Variants in CACNA1G observed in about 807,000 individuals in gnomAD.
CACNA1G encodes calcium voltage-gated channel subunit alpha1 G.
CACNA1G carries 67 observed loss-of-function variants against 219.4 expected under a neutral mutation model. That is an observed-to-expected ratio of 0.31 (90% CI 0.25 to 0.37). The LOEUF is 0.37. CACNA1G is among the 10% of genes least tolerant of loss of function. The pLI, the probability that CACNA1G is intolerant of heterozygous loss-of-function variation, is 1.00. For missense variants in CACNA1G, 2,380 were observed against 3,231.4 expected (o/e 0.74, Z 6.39); for synonymous variants, 1,296 against 1,345.3 (o/e 0.96, Z 0.80).
intron 8 of CACNA1G, among the ~76,000 whole-genome samples, chr17:50,576,968 C>T (rs986293616): frequency 2.6e-5 from 4 of 152,192 alleles, no homozygotes; most frequent in African/African-American, 7.2e-5. Context: ...ATAGGGACGT[C>T]GGGCTCTCCC....
chr17:50,612,737 C>G (rs2049496123), intron 26 of CACNA1G, among the ~76,000 whole-genome samples: 1 of 152,248 alleles, frequency 6.6e-6, no homozygotes, highest in Non-Finnish European at 1.5e-5. Flanking sequence ...CTTCCTCCCT[C>G]CCTGCCCCGA....
Position 50,627,164 on chromosome 17 carries a change from C to T in CACNA1G, c.*413C>T, listed in dbSNP as rs1272414765. On this transcript the variant is annotated 3_prime_UTR_variant, in exon 38 of 38. Transcript: ENST00000359106. ...ATATTTTTGAGGCGAAGGCGTCTGT[C>T]TCTTGGCTATTTTAACCTAAAATAA... is the stretch of plus-strand genomic sequence containing the variant. The T allele has an allele frequency of 2.2e-6, 1 of 457,292 alleles. No homozygotes were observed. The highest frequency in any genetic ancestry group is 1.6e-5 in the South Asian group (1 of 64,504). 28.3% of individuals were successfully genotyped at this position (457,292 alleles called of 1,614,324 possible). A position where few individuals can be genotyped will look rare whatever the true frequency, so the allele number is the denominator to read the frequency against.
At chr17:50,570,799 A>G (rs1272004922) in intron 4 of CACNA1G, among the ~76,000 whole-genome samples, 1 of 152,124 alleles carries the variant, frequency 6.6e-6, no homozygotes, top group Non-Finnish European at 1.5e-5. Context: ...GTTGGAGCAC[A>G]GAGAAGCTGA....
intron 4 of CACNA1G, among the ~76,000 whole-genome samples, chr17:50,570,748 G>A (rs992302311): frequency 1.1e-4 from 17 of 152,258 alleles, no homozygotes; most frequent in African/African-American, 3.9e-4. Flanking sequence ...TCTAACCACC[G>A]GTGTAATTCC....
rs201137489 is a variant in CACNA1G at position 50,590,638 on chromosome 17, G to A, written c.2453+16G>A. 3.4e-5 allele frequency: 55 copies of A among 1,607,206 alleles called. No individual in the cohort carries two copies. The highest frequency in any genetic ancestry group is 4.2e-5 in the Non-Finnish European group (50 of 1,177,824). On this transcript the variant is annotated intron_variant, in intron 10 of 37. Coordinates refer to ENST00000359106, the MANE Select transcript of CACNA1G (RefSeq NM_018896.5). ...TGGTCATCAGGTATGACTACCCCCC[G>A]GCACTGACTCTCAGTTGAGGAATGG...
chr17:50,585,835 G>GCGCCCC (rs2042890717), intron 9 of CACNA1G, among the ~76,000 whole-genome samples: 1 of 152,208 alleles, frequency 6.6e-6, no homozygotes, highest in South Asian at 2.1e-4. Context: ...CAGCCTGTCT[G>GCGCCCC]TGCCCCTGTC....
intron 34 of CACNA1G, among the ~76,000 whole-genome samples, chr17:50,620,705 C>G (rs1440296400): frequency 6.6e-6 from 1 of 152,176 alleles, no homozygotes; most frequent in East Asian, 1.9e-4. Flanking sequence ...TCTTAGGAAG[C>G]CTTTAGCCTG....
Position 50,626,464 on chromosome 17 carries a change from C to G in CACNA1G, c.6847C>G (p.Leu2283Val), listed in dbSNP as rs2053826912. Residue 2283 changes from leucine to valine, a missense_variant, in exon 38 of 38, where the codon CTG becomes GTG. Around this residue, in one of 17 missense-constraint regions of CACNA1G, gnomAD observed 672 missense variants for 670.5 expected, o/e 1.00. Coordinates refer to ENST00000359106, the MANE Select transcript of CACNA1G (RefSeq NM_018896.5). This position sits in a 1 kb window ranked among gnomAD's most constrained non-coding sequence, Gnocchi z 4.3. ...SCLDSGSQPHLGTDPSNLGGQ... is the reference protein window; with the variant it reads ...SCLDSGSQPHVGTDPSNLGGQ... ...CCTGGACAGCGGCTCCCAACCCCAC[C>G]TGGGCACAGACCCCTCTAACCTTGG... is the stretch of plus-strand genomic sequence containing the variant. 1 of 1,601,056 alleles carries G rather than the reference C, an allele frequency of 6.2e-7. No homozygotes were observed. Among genetic ancestry groups the G allele is most frequent in the Admixed American group, 1.7e-5 (1 of 58,472 alleles).
rs9911725 is a variant in CACNA1G, at chr17:50,621,878, C to T, written c.6060+84C>T. ...GCTCCAGATCGGCCCAGGGAGGGTC[C>T]TGGGGCCGCCTCCTCTCAGTTTGCT... On this transcript the variant is annotated intron_variant, in intron 35 of 37. Transcript: ENST00000359106. This position sits in a 1 kb window ranked among gnomAD's most constrained non-coding sequence, Gnocchi z 4.6. 6.8e-7 allele frequency: 1 copy of T among 1,462,432 alleles called. No homozygotes were observed. The highest frequency in any genetic ancestry group is 1.4e-5 in the African/African-American group (1 of 72,058). The allele number at this position is 1,462,432 out of a possible 1,614,324, so 90.6% of individuals were successfully genotyped here.
Position 50,621,612 on chromosome 17 carries a change from G to A in CACNA1G, c.5926-48G>A, listed in dbSNP as rs2052072402. ...CGCGTGTGTGCGTGTGCACGCGCGT[G>A]TGCGCTGTCCTGGTTTCTCATGCCT... is the stretch of plus-strand genomic sequence containing the variant. On this transcript the variant is annotated intron_variant, in intron 34 of 37. Transcript: ENST00000359106. The surrounding 1 kb of genome is among the most constrained non-coding windows in gnomAD (Gnocchi z 4.6). 1 of 1,603,322 alleles carries A rather than the reference G, an allele frequency of 6.2e-7. No individual in the cohort carries two copies.
At chr17:50,582,036 G>C (rs1343234653) in intron 9 of CACNA1G, among the ~76,000 whole-genome samples, 1 of 152,224 alleles carries the variant, frequency 6.6e-6, no homozygotes, top group Non-Finnish European at 1.5e-5. Flanking sequence ...GAAGAGACGT[G>C]GACAATTGGT....
chr17:50,573,276 G>A (rs1370316484), intron 7 of CACNA1G, 163 bp downstream of exon 7: 4 of 609,090 alleles, frequency 6.6e-6, no homozygotes, highest in African/African-American at 5.5e-5. Context: ...CAGATGCAGA[G>A]TCAGGAGGAA....
At chr17:50,615,563 C>A in intron 27 of CACNA1G, 51 bp downstream of exon 27, 3 of 1,589,214 alleles carry the variant, frequency 1.9e-6, no homozygotes, top group Admixed American at 1.7e-5. Flanking sequence ...AGCTGAGGAA[C>A]CTCTGGGCAA....
In CACNA1G at chr17:50,626,162, G is replaced by T. The variant is rs1233837845; in HGVS notation, c.6545G>T (p.Arg2182Leu). 9.3e-6 allele frequency: 15 copies of T among 1,613,592 alleles called. No homozygotes were observed. The highest frequency in any genetic ancestry group is 1.1e-5 in the Non-Finnish European group (13 of 1,179,832). ...AGTACCCAGGCACAGCAGCACTCCC[G>T]CAGCCACAGCAAGATCTCCAAGCAC... ...QSSTQAQQHS[R>L]SHSKISKHMT... The change falls in exon 38 of 38, where the codon CGC becomes CTC. Residue 2182 changes from arginine to leucine, a missense_variant. Arg to Leu is a moderately radical substitution (Grantham distance 102, BLOSUM62 -2). Around this residue, in one of 17 missense-constraint regions of CACNA1G, gnomAD observed 672 missense variants for 670.5 expected, o/e 1.00. Coordinates refer to ENST00000359106, the MANE Select transcript of CACNA1G (RefSeq NM_018896.5). This position sits in a 1 kb window ranked among gnomAD's most constrained non-coding sequence, Gnocchi z 4.3.
intron 10 of CACNA1G, 27 bp from the exon 11 acceptor site, chr17:50,591,408 G>T: frequency 3.3e-6 from 5 of 1,511,696 alleles, no homozygotes; most frequent in Non-Finnish European, 4.4e-6. Flanking sequence ...AGGTGCAGGG[G>T]GCTCAGGCTG....
In CACNA1G at chr17:50,623,953, T is replaced by C. The variant is rs1204241238; in HGVS notation, c.6107T>C (p.Val2036Ala). ...CTGCCAGGACCAGACTTACTGACTGTGCGGAAGTCTGGGGTCAGCCGAACG... is the reference window on the plus strand; with the variant it reads ...CTGCCAGGACCAGACTTACTGACTGCGCGGAAGTCTGGGGTCAGCCGAACG... The part of the protein sequence containing the change: ...TELPGPDLLT[V>A]RKSGVSRTHS... The change falls in exon 36 of 38, where the codon GTG becomes GCG. Residue 2036 changes from valine (V) to alanine (A), a missense_variant. Transcript: ENST00000359106. The C allele has an allele frequency of 3.1e-6, 5 of 1,613,318 alleles. No homozygotes were observed. Among genetic ancestry groups the C allele is most frequent in the Admixed American group, 1.7e-5 (1 of 60,018 alleles).
Position 50,561,528 on chromosome 17 carries a change from C to A in CACNA1G, c.69C>A (p.Asn23Lys), listed in dbSNP as rs1444589414. The change falls in exon 1 of 38, where the codon AAC becomes AAA. Residue 23 changes from asparagine to lysine, a missense_variant. Asn to Lys is a moderately conservative substitution (Grantham distance 94). Transcript: ENST00000359106. ...AGCCCCGGAGCTTCATGCGGCTCAACGACCTGTCGGGGGCCGGGGGCCGGC... is the reference window on the plus strand; with the variant it reads ...AGCCCCGGAGCTTCATGCGGCTCAAAGACCTGTCGGGGGCCGGGGGCCGGC... ...SGQPRSFMRL[N>K]DLSGAGGRPG... 6.5e-7 allele frequency: 1 copy of A among 1,537,882 alleles called. No individual in the cohort carries two copies. Among genetic ancestry groups the A allele is most frequent in the Admixed American group, 2.0e-5 (1 of 50,996 alleles).
intron 26 of CACNA1G, among the ~76,000 whole-genome samples, chr17:50,611,971 C>T (rs1238966982): frequency 6.6e-6 from 1 of 152,242 alleles, no homozygotes; most frequent in Non-Finnish European, 1.5e-5. Context: ...CACCAGTTAC[C>T]TTCCCTGGCT....
At chr17:50,611,488 T>A (rs2049199389) in intron 26 of CACNA1G, among the ~76,000 whole-genome samples, 1 of 152,110 alleles carries the variant, frequency 6.6e-6, no homozygotes, top group Non-Finnish European at 1.5e-5. Flanking sequence ...CCTGAGGCCC[T>A]CAGCGCTATG....
Sources: allele counts gnomAD v4.1 joint callset (sites outside exome capture counted in the v4.1 genomes callset), GRCh38; gene constraint gnomAD v4.1.1; regional missense constraint gnomAD v4.1.1; non-coding constraint Gnocchi (gnomAD v3.1); transcripts MANE v1.5; gene names NCBI Gene and HGNC (gene_info 2026-07-23, HGNC 2026-07-21).